The following INPP4B variants were observed in gnomAD, a reference collection of about 807,000 sequenced individuals.
INPP4B encodes the protein inositol polyphosphate-4-phosphatase type II B, also known as inositol polyphosphate 4-phosphatase type II.
INPP4B carries 55 observed loss-of-function variants against 122.5 expected under a neutral mutation model. The ratio of observed to expected loss-of-function variants is 0.45; its 90% confidence interval spans 0.36 to 0.56. The LOEUF is 0.56. INPP4B is among the 20% of genes least tolerant of loss of function. The pLI is 0.00. For missense variants in INPP4B, 1,000 were observed against 1,097.7 expected, an observed-to-expected ratio of 0.91 and a Z score of 1.26; for synonymous variants, 403 against 388.7, an observed-to-expected ratio of 1.04 and a Z score of -0.43.
At chr4:142,594,954 C>CAAAAAAAA (rs70949177) in intron 2 of INPP4B, among the ~76,000 whole-genome samples, 2 of 58,044 alleles carry the variant, frequency 3.4e-5, no homozygotes, top group Admixed American at 1.9e-4. Context: ...GACTCTGTCT[C>CAAAAAAAA]AAAAAAAAAA....
intron 23 of INPP4B, among the ~76,000 whole-genome samples, chr4:142,088,772 G>A (rs1778049870): frequency 6.6e-6 from 1 of 152,150 alleles, no homozygotes; most frequent in South Asian, 2.1e-4. Context: ...TTGGCTTCAT[G>A]GTAGAACAGT....
intron 25 of INPP4B, among the ~76,000 whole-genome samples, chr4:142,066,316 C>T (rs1336749527): frequency 6.6e-6 from 1 of 152,146 alleles, no homozygotes; most frequent in Non-Finnish European, 1.5e-5. Context: ...GTGTTATAGT[C>T]TGGTAAGTAC....
At chr4:142,138,001 G>A (rs1360320628) in intron 18 of INPP4B, among the ~76,000 whole-genome samples, 7 of 151,956 alleles carry the variant, frequency 4.6e-5, no homozygotes, top group African/African-American at 9.7e-5. Flanking sequence ...ATCTAGAACT[G>A]GAAATACCAT....
Position 142,570,983 on chromosome 4 carries a change from T to C in INPP4B, c.-190-108257A>G, listed in dbSNP as rs76913722. On this transcript the variant is annotated intron_variant, in intron 2 of 25. Transcript: ENST00000262992. ...TTGCTGTTTTTCTCCCTGGCTCCCATTAAAAAGTATCCTTTCATGACCCTA... is the reference window on the plus strand; with the variant it reads ...TTGCTGTTTTTCTCCCTGGCTCCCACTAAAAAGTATCCTTTCATGACCCTA... 9.7e-3 allele frequency among the ~76,000 whole-genome samples: 1,475 copies of C among 151,592 alleles called. 9 individuals carry two copies. The highest frequency in any genetic ancestry group is 0.027 in the Middle Eastern group (8 of 294).
intron 2 of INPP4B, among the ~76,000 whole-genome samples, chr4:142,512,800 T>G (rs962468676): frequency 3.9e-5 from 6 of 152,196 alleles, no homozygotes; most frequent in Admixed American, 1.3e-4. Context: ...TTTCAAACTT[T>G]TTTTAGTTCC....
At chr4:142,140,459 CA>C (rs1807182922) in intron 18 of INPP4B, among the ~76,000 whole-genome samples, 1 of 152,162 alleles carries the variant, frequency 6.6e-6, no homozygotes, top group Non-Finnish European at 1.5e-5. Flanking sequence ...TATTTGAATG[CA>C]TACTGTTCCT....
chr4:142,510,260 T>A (rs772589829), intron 2 of INPP4B, among the ~76,000 whole-genome samples: 8 of 152,210 alleles, frequency 5.3e-5, no homozygotes, highest in Non-Finnish European at 1.0e-4. Context: ...CAACACAGAA[T>A]GCCACCAGCT....
intron 1 of INPP4B, among the ~76,000 whole-genome samples, chr4:142,742,053 T>C (rs331949): frequency 0.37 from 55,404 of 151,790 alleles, 10,317 homozygotes; most frequent in South Asian, 0.48. Context: ...ATACCAACGA[T>C]AAAGAGATCT....
At chr4:142,413,498 C>T (rs1383166184) in intron 5 of INPP4B, among the ~76,000 whole-genome samples, 2 of 152,084 alleles carry the variant, frequency 1.3e-5, no homozygotes, top group South Asian at 4.1e-4. Context: ...TCCTATCTTG[C>T]AATCATAAAA....
At chr4:142,374,161 G>A (rs193187642) in intron 7 of INPP4B, among the ~76,000 whole-genome samples, 341 of 151,922 alleles carry the variant, frequency 2.2e-3, no homozygotes, top group Non-Finnish European at 4.0e-3. Flanking sequence ...TAATACACAC[G>A]CTTATTATTC....
intron 2 of INPP4B, among the ~76,000 whole-genome samples, chr4:142,633,370 T>G (rs1444317508): frequency 6.6e-6 from 1 of 152,060 alleles, no homozygotes; most frequent in Non-Finnish European, 1.5e-5. Flanking sequence ...TGAAGATAAA[T>G]GCAAGTAGAA....
chr4:142,725,266 G>C (rs1455666425), intron 2 of INPP4B, among the ~76,000 whole-genome samples: 8 of 152,098 alleles, frequency 5.3e-5, no homozygotes, highest in African/African-American at 1.9e-4. Flanking sequence ...ATATGCATCT[G>C]TTAAGTATAA....
intron 7 of INPP4B, among the ~76,000 whole-genome samples, chr4:142,392,255 G>A (rs1797936903): frequency 1.3e-5 from 2 of 152,178 alleles, no homozygotes. Flanking sequence ...GATCCTTGAT[G>A]TGAACAGTTT....
chr4:142,841,311 C>T (rs1428966275), intron 1 of INPP4B, among the ~76,000 whole-genome samples: 1 of 151,808 alleles, frequency 6.6e-6, no homozygotes, highest in Admixed American at 6.6e-5. Context: ...TTTATTTTCC[C>T]AGCATTGAAT....
intron 1 of INPP4B, among the ~76,000 whole-genome samples, chr4:142,741,502 A>C (rs1561018989): frequency 6.6e-6 from 1 of 152,052 alleles, no homozygotes; most frequent in Non-Finnish European, 1.5e-5. Context: ...TTTCAACATG[A>C]CATTTGGAGA....
chr4:142,607,293 AAGT>A (rs1014078863), intron 2 of INPP4B, among the ~76,000 whole-genome samples: 1 of 152,052 alleles, frequency 6.6e-6, no homozygotes, highest in African/African-American at 2.4e-5. Context: ...TTACATATAA[AAGT>A]AGTCAAATAT....
chr4:142,617,411 G>T (rs1743950316), intron 2 of INPP4B, among the ~76,000 whole-genome samples: 3 of 152,058 alleles, frequency 2.0e-5, no homozygotes, highest in African/African-American at 7.2e-5. Flanking sequence ...ACAGCTGGAG[G>T]CAAAATGCTC....
chr4:142,152,066 C>CTT lies in INPP4B; in HGVS notation c.1564-6072_1564-6071dup, dbSNP rs572092121. Among the ~76,000 whole-genome samples, 176 of 69,940 alleles carry CTT rather than the reference C, an allele frequency of 2.5e-3. 19 individuals carry two copies. The highest frequency in any genetic ancestry group is 9.3e-3 in the African/African-American group (167 of 17,994). 45.9% of individuals were successfully genotyped at this position (69,940 alleles called of 152,430 possible). A position where few individuals can be genotyped will look rare whatever the true frequency, so the allele number is the denominator to read the frequency against. On this transcript the variant is annotated intron_variant, in intron 17 of 25. Transcript: ENST00000262992. The stretch of plus-strand genomic sequence containing the variant: ...TGCCTAACATGCTTTTTTGTCTTTT[C>CTT]TTTTTTTTTTTTTTTTTTTTTTTTT...
At chr4:142,693,072 T>C (rs189186563) in intron 2 of INPP4B, among the ~76,000 whole-genome samples, 125 of 152,068 alleles carry the variant, frequency 8.2e-4, no homozygotes, top group Non-Finnish European at 1.6e-3. Flanking sequence ...TAGTAACTGC[T>C]ATTTTTCCTT....
Sources: allele counts gnomAD v4.1 joint callset (sites outside exome capture counted in the v4.1 genomes callset), GRCh38; gene constraint gnomAD v4.1.1; transcripts MANE v1.5; gene names NCBI Gene and HGNC (gene_info 2026-07-23, HGNC 2026-07-21).